The following SPTLC2 variants were observed in gnomAD, a reference collection of about 807,000 sequenced individuals.
SPTLC2 encodes serine palmitoyltransferase long chain base subunit 2, also known as serine palmitoyltransferase 2.
Under a neutral mutation model 62.0 loss-of-function variants are expected in SPTLC2, and 21 were observed. The observed-to-expected ratio is 0.34, with a 90% CI of 0.24 to 0.49. The LOEUF (loss-of-function observed/expected upper bound fraction) is 0.49, where lower values mean the gene tolerates loss of function less well. Ranked by LOEUF, SPTLC2 falls within the 20% of genes least tolerant of loss-of-function variation. The pLI is 0.99. For missense variants in SPTLC2, 511 were observed against 713.0 expected (o/e 0.72, Z 3.23); for synonymous variants, 261 against 261.8 (o/e 1.00, Z 0.03).
At chr14:77,583,419 T>TA (rs1252184859) in intron 2 of SPTLC2, among the ~76,000 whole-genome samples, 1 of 151,862 alleles carries the variant, frequency 6.6e-6, no homozygotes, top group African/African-American at 2.4e-5. Context: ...ACTAGGGGGG[T>TA]AATCTTTTCA....
intron 2 of SPTLC2, among the ~76,000 whole-genome samples, chr14:77,594,709 C>T (rs948720419): frequency 5.3e-5 from 8 of 152,246 alleles, no homozygotes; most frequent in Admixed American, 2.6e-4. Context: ...AAACATTCTT[C>T]ATGCCTTTGC....
intron 9 of SPTLC2, among the ~76,000 whole-genome samples, chr14:77,545,496 T>C (rs1395608130): frequency 6.6e-6 from 1 of 152,176 alleles, no homozygotes; most frequent in Non-Finnish European, 1.5e-5. Flanking sequence ...CTCAAACTCC[T>C]GACCTCAGGT....
At chr14:77,601,389 C>T (rs185591498) in intron 1 of SPTLC2, among the ~76,000 whole-genome samples, 1 of 152,164 alleles carries the variant, frequency 6.6e-6, no homozygotes, top group African/African-American at 2.4e-5. Context: ...GAGATCCACC[C>T]GCTGCCTGCA....
At chr14:77,614,958 C>T (rs1442936088) in intron 1 of SPTLC2, among the ~76,000 whole-genome samples, 6 of 145,212 alleles carry the variant, frequency 4.1e-5, no homozygotes, top group African/African-American at 7.8e-5. Context: ...GTGACAAGAG[C>T]AAAACTGTCT....
intron 1 of SPTLC2, among the ~76,000 whole-genome samples, chr14:77,612,961 T>C (rs944173047): frequency 2.6e-5 from 4 of 152,176 alleles, no homozygotes; most frequent in African/African-American, 9.6e-5. Context: ...CTTTCACACT[T>C]ATTAACTAAC....
intron 5 of SPTLC2, among the ~76,000 whole-genome samples, chr14:77,564,418 C>T (rs895669438): frequency 1.6e-4 from 6 of 37,880 alleles, no homozygotes; most frequent in Middle Eastern, 0.012. Context: ...CACACACACA[C>T]ACACACACAC....
At chr14:77,534,729 C>T (rs1341832687) in intron 9 of SPTLC2, among the ~76,000 whole-genome samples, 2 of 151,960 alleles carry the variant, frequency 1.3e-5, no homozygotes, top group Non-Finnish European at 2.9e-5. Flanking sequence ...ACTAGGGAAG[C>T]AGATGTCATT....
chr14:77,592,255 CT>C (rs1054961091), intron 2 of SPTLC2, among the ~76,000 whole-genome samples: 3 of 152,018 alleles, frequency 2.0e-5, no homozygotes, highest in African/African-American at 7.2e-5. Flanking sequence ...CTGCCTCAGC[CT>C]CCCAAGTAGC....
chr14:77,597,300 A>G lies in SPTLC2; in HGVS notation c.213T>C (p.Ala71=), dbSNP rs764492307. 6.2e-7 allele frequency: 1 copy of G among 1,614,220 alleles called. No homozygotes were observed. Among genetic ancestry groups the G allele is most frequent in the Non-Finnish European group, 8.5e-7 (1 of 1,180,034 alleles). ...CGCCATACCCCACATACGTGAGCACAGCAACCAGCATTGGTGTTTCTTCAA... is the reference window on the plus strand; with the variant it reads ...CGCCATACCCCACATACGTGAGCACGGCAACCAGCATTGGTGTTTCTTCAA... ...EAFEETPMLV[A]VLTYVGYGVL... The change falls in exon 2 of 12, where the codon GCT becomes GCC. Residue 71 remains alanine (A), a synonymous_variant. Coordinates refer to ENST00000216484, the MANE Select transcript of SPTLC2 (RefSeq NM_004863.4).
chr14:77,551,849 G>A (rs1435592638), intron 9 of SPTLC2, among the ~76,000 whole-genome samples: 2 of 152,148 alleles, frequency 1.3e-5, no homozygotes, highest in Non-Finnish European at 2.9e-5. Flanking sequence ...TGAGTTAAGA[G>A]GGTATGTAGG....
intron 8 of SPTLC2, among the ~76,000 whole-genome samples, chr14:77,553,195 C>A (rs953762509): frequency 9.2e-5 from 14 of 152,208 alleles, no homozygotes; most frequent in Middle Eastern, 3.4e-3. Context: ...TTAAAATGCA[C>A]ACACAAGAAG....
At chr14:77,556,997 C>T (rs2079587740) in intron 7 of SPTLC2, 44 bp downstream of exon 7, 1 of 1,542,276 alleles carries the variant, frequency 6.5e-7, no homozygotes, top group African/African-American at 1.4e-5. Flanking sequence ...TCTATGACTT[C>T]ATGGGGCCAA....
chr14:77,547,827 G>A (rs1421133745), intron 9 of SPTLC2: 1 of 148,124 alleles, frequency 6.8e-6, no homozygotes, highest in Non-Finnish European at 1.5e-5. Context: ...TCAGCCTCCT[G>A]AGTAGCTGGG....
intron 8 of SPTLC2, among the ~76,000 whole-genome samples, chr14:77,552,912 A>C (rs534539113): frequency 4.7e-4 from 72 of 152,152 alleles, no homozygotes; most frequent in Non-Finnish European, 9.0e-4. Context: ...GTATCACAGA[A>C]AATGTCATCT....
At chr14:77,529,773 C>T (rs1052941046) in intron 9 of SPTLC2, among the ~76,000 whole-genome samples, 3 of 151,716 alleles carry the variant, frequency 2.0e-5, no homozygotes, top group African/African-American at 7.3e-5. Flanking sequence ...CAGATGTGCG[C>T]CACCATGCCT....
chr14:77,530,851 A>C (rs2079434671), intron 9 of SPTLC2, among the ~76,000 whole-genome samples: 1 of 152,214 alleles, frequency 6.6e-6, no homozygotes, highest in Non-Finnish European at 1.5e-5. Context: ...CTAAAAGGGA[A>C]TGTTAAGTAT....
intron 9 of SPTLC2, among the ~76,000 whole-genome samples, chr14:77,522,821 A>G (rs147292685): frequency 3.3e-5 from 5 of 152,344 alleles, no homozygotes; most frequent in East Asian, 1.9e-4. Flanking sequence ...CATATTTTTA[A>G]AAGTCCAAGC....
At chr14:77,559,043 G>A (rs2079600530) in intron 6 of SPTLC2, among the ~76,000 whole-genome samples, 1 of 152,344 alleles carries the variant, frequency 6.6e-6, no homozygotes, top group Admixed American at 6.5e-5. Flanking sequence ...GCATCAGCCA[G>A]GTGTGGTGGC....
chr14:77,580,109 C>A (rs918674043), intron 2 of SPTLC2, among the ~76,000 whole-genome samples: 6 of 152,118 alleles, frequency 3.9e-5, no homozygotes, highest in African/African-American at 1.4e-4. Context: ...AGATTCCATC[C>A]TTTGCATATT....
Sources: gnomAD v4.1 joint callset for allele counts (sites outside exome capture counted in the v4.1 genomes callset) on GRCh38, gnomAD v4.1.1 for gene constraint, MANE v1.5 for transcripts, NCBI Gene and HGNC (gene_info 2026-07-23, HGNC 2026-07-21) for gene names.